UNKL: variants seen among roughly 807,000 people sequenced by gnomAD.
UNKL encodes putative E3 ubiquitin-protein ligase UNKL.
A neutral mutation model predicts 78.0 loss-of-function variants in UNKL; 60 were observed. The observed-to-expected ratio is 0.77, with a 90% CI of 0.63 to 0.95. The LOEUF (loss-of-function observed/expected upper bound fraction) is 0.95, where lower values mean the gene tolerates loss of function less well. Among genes scored for constraint, UNKL ranks in the 40% least tolerant of loss-of-function variants. The probability of loss-of-function intolerance (pLI) is 0.00; values close to 1 mark genes in which losing one functional copy is unlikely to be tolerated. For synonymous variants in UNKL, 608 were observed against 474.8 expected (o/e 1.28, Z -3.65); for missense variants, 1,159 against 1,045.7 (o/e 1.11, Z -1.49).
At position 1,403,124 on chromosome 16, in the gene UNKL, C is replaced by T. The variant is rs753928869; in HGVS notation, c.464+44G>A. On this transcript the variant is annotated intron_variant, in intron 3 of 14. Coordinates refer to ENST00000389221, the MANE Select transcript of UNKL (RefSeq NM_001372107.1). This position sits in a 1 kb window ranked among gnomAD's most constrained non-coding sequence, Gnocchi z 4.8. ...GTTCCTGCTCATCCAGCAGAGCCCACAGCAGCAGGCAGGCCAAGTGCCCAC... is the reference window on the plus strand; with the variant it reads ...GTTCCTGCTCATCCAGCAGAGCCCATAGCAGCAGGCAGGCCAAGTGCCCAC... 1.9e-6 allele frequency: 3 copies of T among 1,574,142 alleles called. No homozygotes were observed. Among genetic ancestry groups the T allele is most frequent in the South Asian group, 2.3e-5 (2 of 87,628 alleles).
chr16:1,396,751 G>A (rs765387089), intron 6 of UNKL, among the ~76,000 whole-genome samples: 5 of 151,906 alleles, frequency 3.3e-5, no homozygotes, highest in Admixed American at 6.6e-5. Flanking sequence ...CCGCCACCAC[G>A]CCTGGCTGAT....
intron 10 of UNKL, among the ~76,000 whole-genome samples, chr16:1,372,313 T>G (rs1453641554): frequency 1.3e-5 from 2 of 151,988 alleles, no homozygotes; most frequent in African/African-American, 4.8e-5. Flanking sequence ...GAGGGTGATT[T>G]CAAGGAGCAG....
Position 1,399,604 on chromosome 16 carries a change from T to A in UNKL, c.599-95A>T, listed in dbSNP as rs1402975285. ...TGGAAGGACCTGGCTGTCCCCCAAA[T>A]GGAAGGGGCTGCAGGAGGACTTGGG... On this transcript the variant is annotated intron_variant, in intron 4 of 14. Coordinates refer to ENST00000389221, the MANE Select transcript of UNKL (RefSeq NM_001372107.1). The surrounding 1 kb of genome is among the most constrained non-coding windows in gnomAD (Gnocchi z 5.8). 5.3e-6 allele frequency: 8 copies of A among 1,519,074 alleles called. No homozygotes were observed. Among genetic ancestry groups the A allele is most frequent in the Admixed American group, 2.0e-5 (1 of 49,812 alleles). The allele number at this position is 1,519,074 out of a possible 1,614,324, so 94.1% of individuals were successfully genotyped here. A position where few individuals can be genotyped will look rare whatever the true frequency, so the allele number is the denominator to read the frequency against.
At chr16:1,369,056 T>G (rs1354239727) in intron 12 of UNKL, among the ~76,000 whole-genome samples, 1 of 4,526 alleles carries the variant, frequency 2.2e-4, no homozygotes, top group Non-Finnish European at 4.1e-4. Context: ...AAAGTATTAG[T>G]TTTTTTTTTT....
intron 10 of UNKL, among the ~76,000 whole-genome samples, chr16:1,375,284 C>T (rs1210353598): frequency 6.6e-6 from 1 of 152,214 alleles, no homozygotes; most frequent in Non-Finnish European, 1.5e-5. Flanking sequence ...GTGTGGAGAC[C>T]GTGCTCCACC....
intron 9 of UNKL, among the ~76,000 whole-genome samples, chr16:1,386,363 C>T (rs2036812645): frequency 6.6e-6 from 1 of 152,028 alleles, no homozygotes; most frequent in Admixed American, 6.6e-5. Flanking sequence ...GACCAGGCTG[C>T]CCAACATGGA....
intron 10 of UNKL, among the ~76,000 whole-genome samples, chr16:1,381,682 T>C (rs964033382): frequency 2.6e-5 from 4 of 152,206 alleles, no homozygotes; most frequent in African/African-American, 9.7e-5. Context: ...ATCCCTGACC[T>C]CTGAGTTTCT....
rs148785317 is a variant in UNKL at position 1,403,212 on chromosome 16, G to A, written c.420C>T (p.Phe140=). 98 of 1,613,826 alleles carry A rather than the reference G, an allele frequency of 6.1e-5. No individual in the cohort carries two copies. The highest frequency in any genetic ancestry group is 5.5e-4 in the African/African-American group (41 of 74,932). Residue 140 remains phenylalanine, a synonymous_variant, in exon 3 of 15, where the codon TTC becomes TTT. Transcript: ENST00000389221. This position sits in a 1 kb window ranked among gnomAD's most constrained non-coding sequence, Gnocchi z 4.8. ...HCVKNGLHCA[F]AHGPLDLRPP... ...GCCGCAGGTCCAGGGGGCCGTGCGC[G>A]AAGGCACAGTGCAGCCCATTCTTCA...
At chr16:1,388,215 A>G (rs192348093) in intron 9 of UNKL, among the ~76,000 whole-genome samples, 1 of 152,224 alleles carries the variant, frequency 6.6e-6, no homozygotes, top group Non-Finnish European at 1.5e-5. Flanking sequence ...GTCTGCATAG[A>G]GCCCAAGAAT....
intron 6 of UNKL, among the ~76,000 whole-genome samples, chr16:1,396,397 G>A (rs768178990): frequency 7.3e-5 from 11 of 150,470 alleles, no homozygotes; most frequent in African/African-American, 1.2e-4. Context: ...AGTGCTCCTC[G>A]CGTCTCAGCC....
At position 1,372,027 on chromosome 16, in the gene UNKL, T is replaced by C. The variant is rs574010405; in HGVS notation, c.1265-416A>G. On this transcript the variant is annotated intron_variant, in intron 10 of 14. Coordinates refer to ENST00000389221, the MANE Select transcript of UNKL (RefSeq NM_001372107.1). ...ATCCCAGCACTTTGGGAGGCCGAGGTGGGCAGATCACAAGGTCAGGAGATC... is the reference window on the plus strand; with the variant it reads ...ATCCCAGCACTTTGGGAGGCCGAGGCGGGCAGATCACAAGGTCAGGAGATC... 4.4e-4 allele frequency among the ~76,000 whole-genome samples: 67 copies of C among 151,326 alleles called. No individual in the cohort carries two copies. In the South Asian group the frequency reaches 0.013, roughly 29 times the overall value.
intron 6 of UNKL, 147 bp from the exon 7 acceptor site, chr16:1,394,362 C>T (rs2037172076): frequency 5.4e-6 from 5 of 934,342 alleles, no homozygotes; most frequent in Non-Finnish European, 8.4e-6. Flanking sequence ...TGCCCTCCTC[C>T]ACGTGTGCCC....
chr16:1,399,689 A>G lies in UNKL; in HGVS notation c.599-180T>C, dbSNP rs1277752882. The stretch of plus-strand genomic sequence containing the variant: ...CAAAGGACTCGCGCTCCATGAGGGA[A>G]GCCGGGCCAGAAGGCCACGTGGTGT... On this transcript the variant is annotated intron_variant, in intron 4 of 14. Transcript: ENST00000389221. The surrounding 1 kb of genome is among the most constrained non-coding windows in gnomAD (Gnocchi z 5.8). 11 of 932,152 alleles carry G rather than the reference A, an allele frequency of 1.2e-5. No homozygotes were observed. The highest frequency in any genetic ancestry group is 1.6e-5 in the South Asian group (1 of 62,034). 57.7% of individuals were successfully genotyped at this position (932,152 alleles called of 1,614,324 possible).
chr16:1,387,347 G>A lies in UNKL; in HGVS notation c.1087-1962C>T, dbSNP rs2036856826. Among the ~76,000 whole-genome samples, 1 of 152,200 alleles carries A rather than the reference G, an allele frequency of 6.6e-6. No individual in the cohort carries two copies. The highest frequency in any genetic ancestry group is 6.5e-5 in the Admixed American group (1 of 15,274). Reference sequence around the variant, plus strand: ...CAAGCAGCCCAGAAACACTATGGGTGATTCGAGACCTGGTGCCATCTCAGT... The same window carrying A: ...CAAGCAGCCCAGAAACACTATGGGTAATTCGAGACCTGGTGCCATCTCAGT... On this transcript the variant is annotated intron_variant, in intron 9 of 14. Transcript: ENST00000389221. The surrounding 1 kb of genome is among the most constrained non-coding windows in gnomAD (Gnocchi z 4.1).
At position 1,403,003 on chromosome 16, in the gene UNKL, A is replaced by C. The variant is rs2037597573; in HGVS notation, c.464+165T>G. 6.6e-6 allele frequency among the ~76,000 whole-genome samples: 1 copy of C among 152,212 alleles called. No homozygotes were observed. On this transcript the variant is annotated intron_variant, in intron 3 of 14. Transcript: ENST00000389221. This position sits in a 1 kb window ranked among gnomAD's most constrained non-coding sequence, Gnocchi z 4.8. ...CGAGAATCCGTCTCAAAAAAAGCAA[A>C]AAAAGGACTAACATCCAGACTCAGA...
chr16:1,383,805 G>C (rs1459147683), intron 10 of UNKL: 7 of 445,948 alleles, frequency 1.6e-5, no homozygotes, highest in Admixed American at 4.7e-5. Flanking sequence ...AGTGTGTCCA[G>C]GCAGGGACTG....
intron 4 of UNKL, among the ~76,000 whole-genome samples, chr16:1,400,005 G>A (rs377626524): frequency 2.6e-5 from 4 of 152,274 alleles, no homozygotes; most frequent in South Asian, 4.1e-4. Flanking sequence ...AGCGTACCTC[G>A]CAGTGCAGGA....
At chr16:1,398,293 C>T (rs1465455791) in intron 5 of UNKL, 11 of 998,556 alleles carry the variant, frequency 1.1e-5, no homozygotes, top group Non-Finnish European at 1.3e-5. Flanking sequence ...AAACAAAATC[C>T]TCTACTCTTC....
rs1210827922 is a variant in UNKL at position 1,399,334 on chromosome 16, C to T, written c.734+40G>A. 1 of 1,521,592 alleles carries T rather than the reference C, an allele frequency of 6.6e-7. No homozygotes were observed. The highest frequency in any genetic ancestry group is 2.1e-5 in the Admixed American group (1 of 47,288). 94.3% of individuals were successfully genotyped at this position (1,521,592 alleles called of 1,614,324 possible). On this transcript the variant is annotated intron_variant, in intron 5 of 14. Transcript: ENST00000389221. This position sits in a 1 kb window ranked among gnomAD's most constrained non-coding sequence, Gnocchi z 5.8. ...CGAGCCACGGGCCGGGAAGGACGCCCACCAGCCGGAGTCCTCTGAGCACGG... is the reference window on the plus strand; with the variant it reads ...CGAGCCACGGGCCGGGAAGGACGCCTACCAGCCGGAGTCCTCTGAGCACGG...
Sources: gnomAD v4.1 joint callset for allele counts (sites outside exome capture counted in the v4.1 genomes callset) on GRCh38, gnomAD v4.1.1 for gene constraint, Gnocchi (gnomAD v3.1) non-coding constraint, MANE v1.5 for transcripts, NCBI Gene and HGNC (gene_info 2026-07-23, HGNC 2026-07-21) for gene names.